The following ZNF423 variants were observed in gnomAD, a reference collection of about 807,000 sequenced individuals.
ZNF423 encodes zinc finger protein 423.
A neutral mutation model predicts 95.8 loss-of-function variants in ZNF423; 12 were observed. That is an observed-to-expected ratio of 0.13 (90% confidence interval 0.08 to 0.20). The LOEUF (loss-of-function observed/expected upper bound fraction) is 0.20. Ranked by LOEUF, ZNF423 falls within the 10% of genes least tolerant of loss-of-function variation. The pLI, the probability that ZNF423 is intolerant of heterozygous loss-of-function variation, is 1.00. For missense variants in ZNF423, 1,316 were observed against 1,737.1 expected (o/e 0.76, Z 4.31); for synonymous variants, 749 against 711.9 (o/e 1.05, Z -0.83).
At chr16:49,610,174 C>T (rs540266072) in intron 5 of ZNF423, among the ~76,000 whole-genome samples, 1 of 152,028 alleles carries the variant, frequency 6.6e-6, no homozygotes, top group Non-Finnish European at 1.5e-5. Flanking sequence ...GCAGAATCAC[C>T]CTAAAAAGAA....
At chr16:49,517,823 A>G in intron 7 of ZNF423, 1 of 391,002 alleles carries the variant, frequency 2.6e-6, no homozygotes, top group South Asian at 1.9e-5. Context: ...TCTGAGATAG[A>G]TATGCTGCTT....
chr16:49,565,780 C>T (rs143050249), intron 5 of ZNF423, among the ~76,000 whole-genome samples: 232 of 152,176 alleles, frequency 1.5e-3, no homozygotes, highest in African/African-American at 5.2e-3. Context: ...CAGTACCCTT[C>T]AGGCATCCAA....
At chr16:49,769,498 C>T (rs1882673323) in intron 2 of ZNF423, among the ~76,000 whole-genome samples, 1 of 152,078 alleles carries the variant, frequency 6.6e-6, no homozygotes, top group Non-Finnish European at 1.5e-5. Context: ...CTTGGTCAGC[C>T]CCGACCATCT....
chr16:49,636,811 G>A lies in ZNF423; in HGVS notation c.2365C>T (p.His789Tyr). The change falls in exon 4 of 8, where the codon CAC (histidine) becomes TAC (tyrosine). Residue 789 changes from histidine (H) to tyrosine (Y), a missense_variant. Transcript: ENST00000563137. This position sits in a 1 kb window ranked among gnomAD's most constrained non-coding sequence, Gnocchi z 8.6. Reference sequence around the variant, plus strand: ...GTCTCCCCACAGAAGATGCACTTGTGAGCCTTGGCCGGGTTGCCCAGGTGG... The same window carrying A: ...GTCTCCCCACAGAAGATGCACTTGTAAGCCTTGGCCGGGTTGCCCAGGTGG... ...HSHLGNPAKA[H>Y]KCIFCGETFS... 6 of 1,614,126 alleles carry A rather than the reference G, an allele frequency of 3.7e-6. No homozygotes were observed. The highest frequency in any genetic ancestry group is 5.1e-6 in the Non-Finnish European group (6 of 1,180,048).
chr16:49,526,306 G>C (rs1487784263), intron 5 of ZNF423, among the ~76,000 whole-genome samples: 2 of 152,214 alleles, frequency 1.3e-5, no homozygotes, highest in Admixed American at 6.5e-5. Flanking sequence ...GGTCTATGCA[G>C]TGGATGATGG....
chr16:49,538,218 A>G (rs1308663922), intron 5 of ZNF423, among the ~76,000 whole-genome samples: 1 of 152,202 alleles, frequency 6.6e-6, no homozygotes, highest in East Asian at 1.9e-4. Context: ...ACCTCCACAC[A>G]GCCTCCAACT....
chr16:49,660,246 G>A (rs145983849), intron 3 of ZNF423, among the ~76,000 whole-genome samples: 382 of 152,052 alleles, frequency 2.5e-3, no homozygotes, highest in Middle Eastern at 0.01. Context: ...CCTGGCCTAC[G>A]GGAAGCTCTT....
chr16:49,733,450 A>G (rs889542119), intron 2 of ZNF423, among the ~76,000 whole-genome samples: 2 of 152,192 alleles, frequency 1.3e-5, no homozygotes, highest in Non-Finnish European at 2.9e-5. Flanking sequence ...AAACATCACA[A>G]TGTATTTGAT....
intron 7 of ZNF423, among the ~76,000 whole-genome samples, chr16:49,507,650 C>T (rs565822109): frequency 6.6e-6 from 1 of 152,300 alleles, no homozygotes; most frequent in Admixed American, 6.5e-5. Flanking sequence ...CCACCACAAG[C>T]CCCACTTCTC....
intron 3 of ZNF423, among the ~76,000 whole-genome samples, chr16:49,684,153 A>G (rs1470612439): frequency 6.6e-6 from 1 of 152,236 alleles, no homozygotes; most frequent in Non-Finnish European, 1.5e-5. Context: ...TCCCTGGGCA[A>G]AAAAAGCAGA....
chr16:49,758,388 C>T (rs941281042), intron 2 of ZNF423, among the ~76,000 whole-genome samples: 7 of 152,192 alleles, frequency 4.6e-5, no homozygotes, highest in Non-Finnish European at 7.3e-5. Flanking sequence ...ATCCACCCCC[C>T]TCAGCCTCCC....
chr16:49,500,209 T>C (rs148442527), intron 7 of ZNF423, among the ~76,000 whole-genome samples: 196 of 152,278 alleles, frequency 1.3e-3, no homozygotes, highest in African/African-American at 4.6e-3. Context: ...CTACTGCTGC[T>C]GTTTCTCCAA....
intron 5 of ZNF423, among the ~76,000 whole-genome samples, chr16:49,616,664 A>T (rs1217275708): frequency 6.6e-6 from 1 of 152,350 alleles, no homozygotes; most frequent in East Asian, 1.9e-4. Flanking sequence ...GAATGAAGGA[A>T]TAAATGAAAA....
chr16:49,604,645 G>A (rs926952124), intron 5 of ZNF423, among the ~76,000 whole-genome samples: 6 of 152,088 alleles, frequency 3.9e-5, no homozygotes, highest in Admixed American at 1.3e-4. Context: ...GCACAATCAC[G>A]GTCAGTGCAA....
At chr16:49,815,894 ATATATATATATATATATATATTTT>A (rs2034838648) in intron 1 of ZNF423, among the ~76,000 whole-genome samples, 1 of 62,030 alleles carries the variant, frequency 1.6e-5, no homozygotes, top group East Asian at 4.7e-4. Flanking sequence ...ATATATATAT[ATATATATATATATATATATATTTT>A]TTTTTTTTTT....
chr16:49,518,212 C>A, intron 7 of ZNF423: 1 of 379,330 alleles, frequency 2.6e-6, no homozygotes, highest in Non-Finnish European at 5.1e-6. Context: ...GCACTTGTAG[C>A]TTCTGCATAG....
intron 3 of ZNF423, among the ~76,000 whole-genome samples, chr16:49,654,698 C>T (rs1172789752): frequency 1.3e-5 from 2 of 152,224 alleles, no homozygotes; most frequent in Non-Finnish European, 2.9e-5. Context: ...AGGGCGCAGC[C>T]AAGATGGTCT....
At chr16:49,677,464 A>G (rs2031161321) in intron 3 of ZNF423, among the ~76,000 whole-genome samples, 1 of 151,584 alleles carries the variant, frequency 6.6e-6, no homozygotes, top group Admixed American at 6.6e-5. Flanking sequence ...AGAAGAGAAG[A>G]GAAAAGAAAA....
intron 5 of ZNF423, among the ~76,000 whole-genome samples, chr16:49,536,032 T>G (rs1038823862): frequency 1.3e-5 from 2 of 152,206 alleles, no homozygotes; most frequent in Non-Finnish European, 2.9e-5. Context: ...CGACATCATT[T>G]TTTGTCCCCA....
Sources: gnomAD v4.1 joint callset for allele counts (sites outside exome capture counted in the v4.1 genomes callset) on GRCh38, gnomAD v4.1.1 for gene constraint, Gnocchi (gnomAD v3.1) non-coding constraint, MANE v1.5 for transcripts, NCBI Gene and HGNC (gene_info 2026-07-23, HGNC 2026-07-21) for gene names.